CREB5: variants seen among roughly 807,000 people sequenced by gnomAD.
CREB5 encodes cAMP responsive element binding protein 5.
A neutral mutation model predicts 57.1 loss-of-function variants in CREB5; 19 were observed. That is an observed-to-expected ratio of 0.33 (90% CI 0.23 to 0.49). The LOEUF (loss-of-function observed/expected upper bound fraction) is 0.49, where lower values mean the gene tolerates loss of function less well. Among genes scored for constraint, CREB5 ranks in the 20% least tolerant of loss-of-function variants. CREB5 has a pLI of 0.99. For missense variants in CREB5, 579 were observed against 671.6 expected, an observed-to-expected ratio of 0.86 and a Z score of 1.52; for synonymous variants, 238 against 238.3, an observed-to-expected ratio of 1.00 and a Z score of 0.01.
At chr7:28,407,058 A>AT (rs199539750) in intron 1 of CREB5, among the ~76,000 whole-genome samples, 14,764 of 149,872 alleles carry the variant, frequency 0.099, 885 homozygotes, top group East Asian at 0.25. Context: ...TTTTCCTTTT[A>AT]TTTTTTTTGA....
At chr7:28,425,224 CA>C (rs1788452393) in intron 1 of CREB5, among the ~76,000 whole-genome samples, 1 of 150,966 alleles carries the variant, frequency 6.6e-6, no homozygotes, top group Non-Finnish European at 1.5e-5. Context: ...AGTAGATAAG[CA>C]AAATATGGTG....
chr7:28,376,460 A>G (rs1328953278), intron 1 of CREB5, among the ~76,000 whole-genome samples: 1 of 151,932 alleles, frequency 6.6e-6, no homozygotes, highest in African/African-American at 2.4e-5. Flanking sequence ...AGTAGAGACG[A>G]AGTTTCGCCA....
At chr7:28,486,996 A>C (rs917425473) in intron 1 of CREB5, among the ~76,000 whole-genome samples, 3 of 151,996 alleles carry the variant, frequency 2.0e-5, no homozygotes, top group African/African-American at 7.3e-5. Flanking sequence ...ATAAGAAAAG[A>C]CTACAGTATA....
intron 7 of CREB5, among the ~76,000 whole-genome samples, chr7:28,783,080 C>T (rs1807083330): frequency 6.6e-6 from 1 of 152,188 alleles, no homozygotes; most frequent in Admixed American, 6.5e-5. Context: ...TGAAGAGGTT[C>T]TAACTGTTAG....
At chr7:28,586,880 T>C (rs1796324427) in intron 5 of CREB5, among the ~76,000 whole-genome samples, 1 of 152,194 alleles carries the variant, frequency 6.6e-6, no homozygotes, top group Admixed American at 6.5e-5. Flanking sequence ...TGGCATCACT[T>C]TTCCCACCTG....
At chr7:28,501,624 G>C (rs1792278206) in intron 3 of CREB5, among the ~76,000 whole-genome samples, 1 of 152,140 alleles carries the variant, frequency 6.6e-6, no homozygotes, top group Admixed American at 6.5e-5. Flanking sequence ...ATTAGCTTCT[G>C]CTATTCAGGG....
At chr7:28,725,983 T>TG (rs1408922204) in intron 7 of CREB5, among the ~76,000 whole-genome samples, 15 of 152,182 alleles carry the variant, frequency 9.9e-5, no homozygotes, top group African/African-American at 3.1e-4. Flanking sequence ...AGAAGGAAAA[T>TG]GCTTCCAAAG....
At chr7:28,524,244 A>G (rs1295944139) in intron 4 of CREB5, among the ~76,000 whole-genome samples, 1 of 151,946 alleles carries the variant, frequency 6.6e-6, no homozygotes, top group Non-Finnish European at 1.5e-5. Flanking sequence ...CGGGAGTCAA[A>G]GATGGGCAGA....
chr7:28,710,422 AG>A (rs1802344777), intron 5 of CREB5, among the ~76,000 whole-genome samples: 2 of 152,234 alleles, frequency 1.3e-5, no homozygotes, highest in South Asian at 4.1e-4. Context: ...TACAGTAAAC[AG>A]GTAGACATAA....
At chr7:28,322,183 AG>A (rs920048464) in intron 1 of CREB5, among the ~76,000 whole-genome samples, 4 of 152,178 alleles carry the variant, frequency 2.6e-5, no homozygotes, top group Admixed American at 1.3e-4. Context: ...ACTTGAGAAA[AG>A]GGTTCTGTGA....
At chr7:28,421,042 A>G (rs954882802) in intron 1 of CREB5, among the ~76,000 whole-genome samples, 1 of 152,092 alleles carries the variant, frequency 6.6e-6, no homozygotes, top group East Asian at 1.9e-4. Context: ...TTGGTTACAT[A>G]GATGAATTAT....
At chr7:28,318,743 A>ACTCT (rs1785429956) in intron 1 of CREB5, among the ~76,000 whole-genome samples, 1 of 152,046 alleles carries the variant, frequency 6.6e-6, no homozygotes, top group Non-Finnish European at 1.5e-5. Flanking sequence ...GAAATACTAG[A>ACTCT]CTCTTAGAAG....
intron 1 of CREB5, among the ~76,000 whole-genome samples, chr7:28,406,450 G>C (rs1451667266): frequency 2.0e-5 from 3 of 152,212 alleles, no homozygotes; most frequent in Admixed American, 2.0e-4. Context: ...GCTGTGTCCA[G>C]CCTATACTCC....
In CREB5 at chr7:28,728,089, G is replaced by T. The variant is rs889350806; in HGVS notation, c.702+3757G>T. On this transcript the variant is annotated intron_variant, in intron 7 of 10. Transcript: ENST00000357727. ...GCCTCCTGAGTAGCTACGATTACAA[G>T]TGTGCACCTAGCTAGATTTTTTTAT... Among the ~76,000 whole-genome samples, 11 of 152,204 alleles carry T rather than the reference G, an allele frequency of 7.2e-5. No individual in the cohort carries two copies. In the East Asian group the frequency reaches 9.7e-4, roughly 13 times the overall value.
At chr7:28,462,587 C>T (rs529117771) in intron 1 of CREB5, among the ~76,000 whole-genome samples, 33 of 152,240 alleles carry the variant, frequency 2.2e-4, no homozygotes, top group African/African-American at 4.6e-4. Flanking sequence ...CAACACTTTC[C>T]GGGGTCATTT....
intron 5 of CREB5, among the ~76,000 whole-genome samples, chr7:28,606,670 A>G (rs560788392): frequency 6.6e-6 from 1 of 152,240 alleles, no homozygotes; most frequent in Non-Finnish European, 1.5e-5. Flanking sequence ...TAATTGGCTC[A>G]GGGAGACCAT....
intron 7 of CREB5, among the ~76,000 whole-genome samples, chr7:28,766,483 G>A (rs187886363): frequency 6.8e-4 from 104 of 152,302 alleles, no homozygotes; most frequent in Admixed American, 5.9e-3. Context: ...GTTATGCTTC[G>A]TTTCCCAGAA....
chr7:28,420,335 G>A (rs1788191288), intron 1 of CREB5, among the ~76,000 whole-genome samples: 1 of 152,030 alleles, frequency 6.6e-6, no homozygotes, highest in Non-Finnish European at 1.5e-5. Flanking sequence ...TAAATCATGT[G>A]GCTGCTTTAT....
chr7:28,748,236 T>C (rs749752984), intron 7 of CREB5, among the ~76,000 whole-genome samples: 2 of 152,224 alleles, frequency 1.3e-5, no homozygotes, highest in African/African-American at 2.4e-5. Flanking sequence ...GGGTACTGTA[T>C]GCAAATCTAA....
Sources: allele counts gnomAD v4.1 joint callset (sites outside exome capture counted in the v4.1 genomes callset), GRCh38; gene constraint gnomAD v4.1.1; transcripts MANE v1.5; gene names NCBI Gene and HGNC (gene_info 2026-07-23, HGNC 2026-07-21).